Variants in KRAS observed in about 807,000 individuals in gnomAD.
KRAS encodes the protein KRas proto-oncogene, GTPase, also known as GTPase KRas.
KRAS carries 1 observed loss-of-function variant against 21.0 expected under a neutral mutation model. The observed-to-expected ratio is 0.05, with a 90% CI of 0.02 to 0.23. The LOEUF (loss-of-function observed/expected upper bound fraction) is 0.23. KRAS is among the 10% of genes least tolerant of loss of function. The pLI, the probability that KRAS is intolerant of heterozygous loss-of-function variation, is 1.00. For synonymous variants in KRAS, 67 were observed against 72.5 expected, an observed-to-expected ratio of 0.92 and a Z score of 0.39; for missense variants, 107 against 221.8, an observed-to-expected ratio of 0.48 and a Z score of 3.29.
In KRAS at chr12:25,207,169, C is replaced by G. The variant is rs541591920; in HGVS notation, c.*2626G>C. On this transcript the variant is annotated 3_prime_UTR_variant, in exon 5 of 5. Coordinates refer to ENST00000311936, the MANE Select transcript of KRAS (RefSeq NM_004985.5). ...CTACCTAAGGACCGGGATTATGTCT[C>G]TTGTTTGGGGATACCATATACCCAG... The G allele has an allele frequency of 3.3e-5, 7 of 210,616 alleles. No homozygotes were observed. Among genetic ancestry groups the G allele is most frequent in the Admixed American group, 1.2e-4 (2 of 16,946 alleles). The allele number at this position is 210,616 out of a possible 1,614,324, so 13.0% of individuals were successfully genotyped here.
intron 2 of KRAS, among the ~76,000 whole-genome samples, chr12:25,237,147 G>T (rs903782275): frequency 3.3e-5 from 5 of 152,092 alleles, no homozygotes; most frequent in Non-Finnish European, 7.4e-5. Flanking sequence ...AGACACAAAA[G>T]GCCACGTCTG....
At chr12:25,217,088 T>C (rs887047435) in intron 4 of KRAS, among the ~76,000 whole-genome samples, 1 of 152,204 alleles carries the variant, frequency 6.6e-6, no homozygotes, top group Admixed American at 6.5e-5. Flanking sequence ...GAACCAAATG[T>C]AACAAAGTGG....
In KRAS at chr12:25,205,367, C is replaced by G. The variant is rs545014897; in HGVS notation, c.*4428G>C. ...CCTATAAACATTTAAAAGTTAATTT[C>G]AATTAAAAGAGTGGTCATTTTTAAT... On this transcript the variant is annotated 3_prime_UTR_variant, in exon 5 of 5. Transcript: ENST00000311936. 95 of 214,462 alleles carry G rather than the reference C, an allele frequency of 4.4e-4. 1 individual carries two copies. The South Asian group carries it at 6.3e-3, about 14-fold the overall frequency. The allele number at this position is 214,462 out of a possible 1,614,324, so 13.3% of individuals were successfully genotyped here.
intron 2 of KRAS, among the ~76,000 whole-genome samples, chr12:25,239,841 T>A (rs1041765538): frequency 9.2e-5 from 14 of 151,858 alleles, no homozygotes; most frequent in African/African-American, 3.1e-4. Flanking sequence ...TAATACCAGC[T>A]ACCCAGGAGG....
chr12:25,233,523 T>A (rs546680819), intron 2 of KRAS, among the ~76,000 whole-genome samples: 17 of 152,178 alleles, frequency 1.1e-4, no homozygotes, highest in Non-Finnish European at 7.4e-5. Flanking sequence ...GAAGGTAGGT[T>A]AGATCATGTC....
intron 4 of KRAS, among the ~76,000 whole-genome samples, chr12:25,213,784 A>T (rs76422806): frequency 0.01 from 1,568 of 152,348 alleles, 22 homozygotes; most frequent in Middle Eastern, 0.02. Context: ...AACAATATGC[A>T]TCCAAAGCTT....
At chr12:25,230,745 T>C (rs1951456852) in intron 2 of KRAS, among the ~76,000 whole-genome samples, 1 of 152,232 alleles carries the variant, frequency 6.6e-6, no homozygotes, top group Non-Finnish European at 1.5e-5. Context: ...GACTATAATT[T>C]TGTGCTTATC....
At chr12:25,237,023 A>G (rs1951552694) in intron 2 of KRAS, among the ~76,000 whole-genome samples, 1 of 152,250 alleles carries the variant, frequency 6.6e-6, no homozygotes, top group Middle Eastern at 3.2e-3. Flanking sequence ...GATAAACAAA[A>G]TAAGGTATAT....
chr12:25,235,216 C>CT lies in KRAS; in HGVS notation c.112-7805dup, dbSNP rs765963191. Reference sequence around the variant, plus strand: ...TATTGTAAGGACTTTTTACATACTGCTTAATAACACCTGTAGGAAAAGATG... The same window carrying CT: ...TATTGTAAGGACTTTTTACATACTGCTTTAATAACACCTGTAGGAAAAGATG... On this transcript the variant is annotated intron_variant, in intron 2 of 4. Transcript: ENST00000311936. 2.5e-5 allele frequency: 14 copies of CT among 563,324 alleles called. 1 individual carries two copies. The South Asian group carries it at 2.8e-4, about 11-fold the overall frequency. 34.9% of individuals were successfully genotyped at this position (563,324 alleles called of 1,614,324 possible).
intron 2 of KRAS, among the ~76,000 whole-genome samples, chr12:25,243,632 C>A (rs932399358): frequency 1.4e-4 from 22 of 152,132 alleles, no homozygotes; most frequent in Non-Finnish European, 4.4e-5. Context: ...AATGGAATTT[C>A]TCAGATTTTC....
At chr12:25,216,364 C>A (rs959442806) in intron 4 of KRAS, among the ~76,000 whole-genome samples, 1 of 152,146 alleles carries the variant, frequency 6.6e-6, no homozygotes, top group Non-Finnish European at 1.5e-5. Context: ...CAGCCTCGAC[C>A]TCCCAGGCTA....
At chr12:25,224,817 G>A (rs1951369830) in intron 4 of KRAS, among the ~76,000 whole-genome samples, 1 of 152,086 alleles carries the variant, frequency 6.6e-6, no homozygotes, top group South Asian at 2.1e-4. Context: ...ATTCTATGAT[G>A]TTTGCACAAT....
At chr12:25,212,773 A>C (rs551505707) in intron 4 of KRAS, among the ~76,000 whole-genome samples, 5 of 152,260 alleles carry the variant, frequency 3.3e-5, no homozygotes, top group Non-Finnish European at 7.3e-5. Context: ...TATTTCCTAA[A>C]GGTGGGGTCT....
intron 4 of KRAS, 157 bp downstream of exon 4, chr12:25,225,457 G>A: frequency 1.4e-6 from 1 of 724,456 alleles, no homozygotes; most frequent in Non-Finnish European, 2.3e-6. Flanking sequence ...ATGGACACTG[G>A]ATTAAGAAGC....
At chr12:25,211,717 T>C (rs1951201827) in intron 4 of KRAS, among the ~76,000 whole-genome samples, 1 of 152,180 alleles carries the variant, frequency 6.6e-6, no homozygotes, top group African/African-American at 2.4e-5. Flanking sequence ...GATCTATAAT[T>C]CAAGAAAGCG....
At chr12:25,250,670 A>T (rs1245752676) in intron 1 of KRAS, 81 bp downstream of exon 1, 1 of 162,486 alleles carries the variant, frequency 6.2e-6, no homozygotes, top group African/African-American at 2.6e-5. Flanking sequence ...TAATTCATTC[A>T]CTCGCCGCCG....
At position 25,205,603 on chromosome 12, in the gene KRAS, A is replaced by G. The variant is rs1404061193; in HGVS notation, c.*4192T>C. On this transcript the variant is annotated 3_prime_UTR_variant, in exon 5 of 5. Coordinates refer to ENST00000311936, the MANE Select transcript of KRAS (RefSeq NM_004985.5). ...AAATTGGCACTCAAAGGAAAAATGC[A>G]AAAGTATTTTCAACATGAAAACACA... 1 of 222,058 alleles carries G rather than the reference A, an allele frequency of 4.5e-6. No homozygotes were observed. The highest frequency in any genetic ancestry group is 9.0e-6 in the Non-Finnish European group (1 of 110,750). The allele number at this position is 222,058 out of a possible 1,614,324, so 13.8% of individuals were successfully genotyped here.
rs1951400096 is a variant in KRAS, at chr12:25,226,870, GT to G, written c.290+363del. 3.9e-5 allele frequency among the ~76,000 whole-genome samples: 6 copies of G among 152,120 alleles called. No homozygotes were observed. In the South Asian group the frequency reaches 1.0e-3, roughly 26 times the overall value. On this transcript the variant is annotated intron_variant, in intron 3 of 4. Transcript: ENST00000311936. ...TATACACACGATTGCTTTTAAGACT[GT>G]TAAAGTGACACCATCTCAAATCATC...
intron 2 of KRAS, among the ~76,000 whole-genome samples, chr12:25,232,932 A>T (rs1439464598): frequency 3.3e-5 from 5 of 152,194 alleles, no homozygotes; most frequent in African/African-American, 1.2e-4. Context: ...TTGACATAGT[A>T]ATGTTACTAT....
Sources: allele counts gnomAD v4.1 joint callset (sites outside exome capture counted in the v4.1 genomes callset), GRCh38; gene constraint gnomAD v4.1.1; transcripts MANE v1.5; gene names NCBI Gene and HGNC (gene_info 2026-07-23, HGNC 2026-07-21).